The following TMEM232 variants were observed in gnomAD, a reference collection of about 807,000 sequenced individuals.
The protein encoded by TMEM232 is transmembrane protein 232.
TMEM232 carries 80 observed loss-of-function variants against 78.8 expected under a neutral mutation model. The ratio of observed to expected loss-of-function variants is 1.01; its 90% CI spans 0.85 to 1.22. The LOEUF (loss-of-function observed/expected upper bound fraction) is 1.22, where lower values mean the gene tolerates loss of function less well. Among genes scored for constraint, TMEM232 ranks in the 50% most tolerant of loss-of-function variants. The pLI, the probability that TMEM232 is intolerant of heterozygous loss-of-function variation, is 0.00. For synonymous variants in TMEM232, 297 were observed against 254.3 expected, an observed-to-expected ratio of 1.17 and a Z score of -1.60; for missense variants, 881 against 742.2, an observed-to-expected ratio of 1.19 and a Z score of -2.17.
chr5:110,618,372 C>T (rs1783207735), intron 8 of TMEM232, 57 bp downstream of exon 8: 3 of 1,536,578 alleles, frequency 2.0e-6, no homozygotes, highest in Non-Finnish European at 8.8e-7. Context: ...GGTTATTTAA[C>T]ATTTAAGCAC....
intron 5 of TMEM232, among the ~76,000 whole-genome samples, chr5:110,629,111 A>C (rs1784798354): frequency 1.3e-5 from 2 of 152,242 alleles, no homozygotes; most frequent in South Asian, 4.1e-4. Flanking sequence ...AAAAATATTT[A>C]AAAGAATACT....
chr5:110,674,168 A>G (rs531086460), intron 1 of TMEM232, among the ~76,000 whole-genome samples: 5 of 152,306 alleles, frequency 3.3e-5, no homozygotes, highest in African/African-American at 1.2e-4. Context: ...TAAACTAGCA[A>G]AGTAAAAATT....
At chr5:110,532,988 T>C (rs1264174691) in intron 11 of TMEM232, among the ~76,000 whole-genome samples, 2 of 152,196 alleles carry the variant, frequency 1.3e-5, no homozygotes, top group African/African-American at 2.4e-5. Context: ...CTGCGCCTTA[T>C]CAACCAAACT....
chr5:110,449,880 T>C (rs888932818), intron 12 of TMEM232, among the ~76,000 whole-genome samples: 1 of 152,118 alleles, frequency 6.6e-6, no homozygotes, highest in Non-Finnish European at 1.5e-5. Context: ...AGGCTCAACA[T>C]CTCTGACATT....
chr5:110,588,960 C>A (rs1476019856), intron 10 of TMEM232, among the ~76,000 whole-genome samples: 1 of 152,054 alleles, frequency 6.6e-6, no homozygotes. Flanking sequence ...CAGAAGACAT[C>A]ATTTCCAAGT....
intron 12 of TMEM232, among the ~76,000 whole-genome samples, chr5:110,433,645 C>A (rs1189620987): frequency 6.6e-6 from 1 of 151,868 alleles, no homozygotes; most frequent in African/African-American, 2.4e-5. Flanking sequence ...GAAGGATGTT[C>A]CTTTGATGCT....
At chr5:110,439,925 G>A (rs995337301) in intron 12 of TMEM232, among the ~76,000 whole-genome samples, 25 of 152,032 alleles carry the variant, frequency 1.6e-4, no homozygotes, top group Admixed American at 1.0e-3. Flanking sequence ...TAGGATCAAC[G>A]TCTTTTCATC....
At chr5:110,639,449 G>A (rs1366121374) in intron 4 of TMEM232, among the ~76,000 whole-genome samples, 4 of 152,150 alleles carry the variant, frequency 2.6e-5, no homozygotes, top group African/African-American at 9.7e-5. Flanking sequence ...AAAGGTTCCA[G>A]GGACAGCTAA....
chr5:110,587,625 A>T (rs1778972199), intron 10 of TMEM232, among the ~76,000 whole-genome samples: 1 of 144,464 alleles, frequency 6.9e-6, no homozygotes, highest in South Asian at 2.2e-4. Context: ...CTTATGGGTC[A>T]TCTTTTATTA....
intron 8 of TMEM232, among the ~76,000 whole-genome samples, chr5:110,609,368 C>CA (rs200230708): frequency 6.6e-6 from 1 of 151,674 alleles, no homozygotes; most frequent in African/African-American, 2.4e-5. Flanking sequence ...TTGTTTTCCC[C>CA]AAAAAAAGTA....
intron 1 of TMEM232, among the ~76,000 whole-genome samples, chr5:110,705,884 C>G (rs1256835355): frequency 6.6e-6 from 1 of 151,554 alleles, no homozygotes; most frequent in African/African-American, 2.4e-5. Context: ...ATCACGGACC[C>G]TAATTTCAAC....
intron 1 of TMEM232, among the ~76,000 whole-genome samples, chr5:110,701,393 A>G (rs1795426944): frequency 6.6e-6 from 1 of 151,920 alleles, no homozygotes; most frequent in African/African-American, 2.4e-5. Context: ...CCAACAATCA[A>G]AGATTTCATT....
intron 2 of TMEM232, among the ~76,000 whole-genome samples, chr5:110,405,166 A>G (rs1261860865): frequency 6.6e-6 from 1 of 152,104 alleles, no homozygotes; most frequent in Admixed American, 6.6e-5. Flanking sequence ...GATAAAAAAG[A>G]GACTAGTGAT....
chr5:110,512,972 G>C (rs968197118), intron 12 of TMEM232, among the ~76,000 whole-genome samples: 1 of 152,132 alleles, frequency 6.6e-6, no homozygotes, highest in East Asian at 1.9e-4. Flanking sequence ...GTTGATGATT[G>C]TATTAAAGAA....
chr5:110,554,782 TG>T (rs972338132), intron 11 of TMEM232, among the ~76,000 whole-genome samples: 10 of 152,208 alleles, frequency 6.6e-5, no homozygotes, highest in Non-Finnish European at 1.3e-4. Flanking sequence ...TGAATCCATC[TG>T]GTCTAAGGCT....
intron 1 of TMEM232, among the ~76,000 whole-genome samples, chr5:110,668,645 A>T (rs1255584884): frequency 1.3e-5 from 2 of 152,150 alleles, no homozygotes; most frequent in Non-Finnish European, 2.9e-5. Context: ...ACATCTACAG[A>T]ACTCTCCACC....
upstream of TMEM232, among the ~76,000 whole-genome samples, chr5:110,730,312 A>G (rs1186913399): frequency 6.6e-6 from 1 of 152,248 alleles, no homozygotes; most frequent in Non-Finnish European, 1.5e-5. Context: ...ATAGCCATGA[A>G]AAAATATTTA....
intron 10 of TMEM232, among the ~76,000 whole-genome samples, chr5:110,574,411 C>T (rs1306001113): frequency 6.6e-6 from 1 of 151,998 alleles, no homozygotes; most frequent in Non-Finnish European, 1.5e-5. Context: ...GAGGGTTGGC[C>T]TTTGTCCTTG....
chr5:110,572,479 A>T (rs188306534), intron 10 of TMEM232, among the ~76,000 whole-genome samples: 8 of 152,196 alleles, frequency 5.3e-5, no homozygotes, highest in African/African-American at 1.9e-4. Flanking sequence ...ACAGACTCTC[A>T]ACATTAACAC....
Sources: allele counts gnomAD v4.1 joint callset (sites outside exome capture counted in the v4.1 genomes callset), GRCh38; gene constraint gnomAD v4.1.1; transcripts MANE v1.5; gene names NCBI Gene and HGNC (gene_info 2026-07-23, HGNC 2026-07-21).